TEX14: variants seen among roughly 807,000 people sequenced by gnomAD.
TEX14 encodes testis expressed 14, intercellular bridge forming factor.
In TEX14, 168 loss-of-function variants were observed where a neutral mutation model predicts 178.6. The observed-to-expected ratio is 0.94, with a 90% confidence interval of 0.83 to 1.07. The LOEUF (loss-of-function observed/expected upper bound fraction) is 1.07. Ranked by LOEUF, TEX14 falls within the 50% of genes least tolerant of loss-of-function variation. The pLI, the probability that TEX14 is intolerant of heterozygous loss-of-function variation, is 0.00. For missense variants in TEX14, 1,730 were observed against 1,753.6 expected (o/e 0.99, Z 0.24); for synonymous variants, 626 against 634.1 (o/e 0.99, Z 0.19).
rs183673170 is a variant in TEX14 at position 58,659,211 on chromosome 17, G to C, written c.-1-7209C>G. 7 of 311,246 alleles carry C rather than the reference G, an allele frequency of 2.2e-5. No individual in the cohort carries two copies. The Admixed American group carries it at 4.5e-4, about 20-fold the overall frequency. The allele number at this position is 311,246 out of a possible 1,614,324, so 19.3% of individuals were successfully genotyped here. On this transcript the variant is annotated intron_variant, in intron 1 of 31. Coordinates refer to ENST00000349033, the MANE Select transcript of TEX14 (RefSeq NM_031272.5). ...GTTATGCAGCCGAGTTTTCTCATTC[G>C]GGGAAATCGCGGGAGCAAACACATA...
At chr17:58,686,834 C>CA (rs1327555206) in intron 1 of TEX14, among the ~76,000 whole-genome samples, 1 of 150,412 alleles carries the variant, frequency 6.6e-6, no homozygotes, top group Non-Finnish European at 1.5e-5. Flanking sequence ...CTCCTATTCC[C>CA]AAACCCACTT....
chr17:58,580,038 GA>G (rs1387311480), intron 19 of TEX14, among the ~76,000 whole-genome samples: 17 of 152,276 alleles, frequency 1.1e-4, no homozygotes, highest in Admixed American at 3.3e-4. Context: ...AGCTTTATCA[GA>G]AGAGCTAAAG....
In TEX14 at chr17:58,584,640, G is replaced by A. The variant is rs759152582; in HGVS notation, c.3071-40C>T. 3.4e-6 allele frequency: 5 copies of A among 1,461,186 alleles called. No individual in the cohort carries two copies. The Admixed American group carries it at 6.7e-5, about 20-fold the overall frequency. The allele number at this position is 1,461,186 out of a possible 1,614,324, so 90.5% of individuals were successfully genotyped here. On this transcript the variant is annotated intron_variant, in intron 18 of 31. Coordinates refer to ENST00000349033, the MANE Select transcript of TEX14 (RefSeq NM_031272.5). Reference sequence around the variant, plus strand: ...ACAGTCAGGGTCAAAGTCATTCAGTGATATTCAGACAACATGGAAGAGGAT... The same window carrying A: ...ACAGTCAGGGTCAAAGTCATTCAGTAATATTCAGACAACATGGAAGAGGAT...
intron 29 of TEX14, among the ~76,000 whole-genome samples, chr17:58,561,239 T>C (rs1462248958): frequency 6.6e-6 from 1 of 152,238 alleles, no homozygotes; most frequent in Non-Finnish European, 1.5e-5. Context: ...CCTTTTCTGA[T>C]TTAATTCACA....
chr17:58,689,558 A>G (rs538422350), intron 1 of TEX14, among the ~76,000 whole-genome samples: 1 of 152,252 alleles, frequency 6.6e-6, no homozygotes, highest in Non-Finnish European at 1.5e-5. Context: ...TTTTTCAAAA[A>G]TTTTAATGAT....
intron 2 of TEX14, among the ~76,000 whole-genome samples, chr17:58,633,661 C>A (rs1030332951): frequency 4.6e-5 from 7 of 152,030 alleles, no homozygotes; most frequent in African/African-American, 1.7e-4. Flanking sequence ...CCCATCTCTA[C>A]TATAAAAACA....
intron 1 of TEX14, among the ~76,000 whole-genome samples, chr17:58,668,843 C>T (rs903797963): frequency 2.6e-5 from 4 of 152,130 alleles, no homozygotes; most frequent in African/African-American, 4.8e-5. Context: ...ACCCAAAGGC[C>T]CTGAGGACTG....
At chr17:58,644,110 G>C (rs535150667) in intron 2 of TEX14, among the ~76,000 whole-genome samples, 7 of 152,168 alleles carry the variant, frequency 4.6e-5, no homozygotes, top group Admixed American at 2.0e-4. Flanking sequence ...CCTCTAGGGA[G>C]AGGAGAGGGG....
intron 10 of TEX14, among the ~76,000 whole-genome samples, 159 bp from the exon 11 acceptor site, chr17:58,605,288 G>A (rs1257597783): frequency 6.6e-6 from 1 of 152,120 alleles, no homozygotes; most frequent in South Asian, 2.1e-4. Context: ...GCCACCTCCC[G>A]GGTTCAAGCG....
chr17:58,660,986 A>AT (rs779494103), intron 1 of TEX14: 3 of 1,168,434 alleles, frequency 2.6e-6, no homozygotes, highest in Non-Finnish European at 3.9e-6. Flanking sequence ...TTCTAAGCTG[A>AT]TATCAATCCA....
intron 26 of TEX14, among the ~76,000 whole-genome samples, chr17:58,566,073 G>A (rs2044391225): frequency 1.3e-5 from 2 of 152,160 alleles, no homozygotes; most frequent in Admixed American, 1.3e-4. Flanking sequence ...GAGAACCACT[G>A]CTTTAGGGCA....
chr17:58,670,425 A>T (rs562383970), intron 1 of TEX14, among the ~76,000 whole-genome samples: 3 of 145,620 alleles, frequency 2.1e-5, no homozygotes, highest in South Asian at 2.1e-4. Context: ...TGGGAAGATT[A>T]AAAAAAAAAA....
At chr17:58,669,814 C>T (rs1020745446) in intron 1 of TEX14, among the ~76,000 whole-genome samples, 1 of 149,340 alleles carries the variant, frequency 6.7e-6, no homozygotes, top group African/African-American at 2.5e-5. Context: ...CATGTGAATA[C>T]ATGTTAACAA....
At chr17:58,602,723 T>A in intron 11 of TEX14, 133 bp from the exon 12 acceptor site, 1 of 652,382 alleles carries the variant, frequency 1.5e-6, no homozygotes, top group Non-Finnish European at 2.5e-6. Context: ...TAATCCACTG[T>A]ACTTTAGAAA....
chr17:58,578,605 G>C (rs1038084169), intron 20 of TEX14, among the ~76,000 whole-genome samples: 3 of 152,156 alleles, frequency 2.0e-5, no homozygotes, highest in African/African-American at 7.2e-5. Flanking sequence ...TATTAAACTA[G>C]CTCTGGTTAT....
intron 1 of TEX14, among the ~76,000 whole-genome samples, chr17:58,663,756 A>C (rs888274041): frequency 2.2e-4 from 33 of 152,126 alleles, no homozygotes; most frequent in Admixed American, 8.5e-4. Context: ...GCATGAGCCA[A>C]TGTGCCAGGC....
intron 27 of TEX14, among the ~76,000 whole-genome samples, chr17:58,565,469 A>C (rs1193538910): frequency 6.6e-6 from 1 of 152,216 alleles, no homozygotes; most frequent in Non-Finnish European, 1.5e-5. Context: ...AAGAGGACTA[A>C]CATTTGCTAA....
chr17:58,638,854 C>CTTTTTTTTT (rs1210311633), intron 2 of TEX14, among the ~76,000 whole-genome samples: 2 of 75,090 alleles, frequency 2.7e-5, no homozygotes, highest in Non-Finnish European at 4.7e-5. Context: ...GACTATTATT[C>CTTTTTTTTT]TTTTTTTTTT....
At chr17:58,672,644 C>T (rs1365510217) in intron 1 of TEX14, among the ~76,000 whole-genome samples, 1 of 152,110 alleles carries the variant, frequency 6.6e-6, no homozygotes, top group African/African-American at 2.4e-5. Flanking sequence ...GGGGTTTCAC[C>T]ATGTTGGCCA....
Sources: allele counts gnomAD v4.1 joint callset (sites outside exome capture counted in the v4.1 genomes callset), GRCh38; gene constraint gnomAD v4.1.1; transcripts MANE v1.5; gene names NCBI Gene and HGNC (gene_info 2026-07-23, HGNC 2026-07-21).